DACH1: variants seen among roughly 807,000 people sequenced by gnomAD.
DACH1 encodes the protein dachshund family transcription factor 1, also known as dachshund homolog 1.
A neutral mutation model predicts 54.2 loss-of-function variants in DACH1; 12 were observed. The observed-to-expected ratio is 0.22, with a 90% CI of 0.14 to 0.36. DACH1 has a LOEUF of 0.36. Ranked by LOEUF, DACH1 falls within the 10% of genes least tolerant of loss-of-function variation. The probability of loss-of-function intolerance (pLI) is 1.00; values close to 1 mark genes in which losing one functional copy is unlikely to be tolerated. For synonymous variants in DACH1, 386 were observed against 366.2 expected (o/e 1.05, Z -0.62); for missense variants, 805 against 929.8 (o/e 0.87, Z 1.75).
At chr13:71,633,984 T>C (rs1877292278) in intron 2 of DACH1, among the ~76,000 whole-genome samples, 1 of 145,006 alleles carries the variant, frequency 6.9e-6, no homozygotes, top group South Asian at 2.1e-4. Context: ...TTTTTTTTTT[T>C]TCTTTTGAGA....
intron 10 of DACH1, among the ~76,000 whole-genome samples, chr13:71,443,943 G>A (rs148571087): frequency 5.3e-5 from 8 of 152,144 alleles, no homozygotes; most frequent in African/African-American, 1.7e-4. Flanking sequence ...GTTTTCGTAT[G>A]GAATATGGCC....
At chr13:71,553,848 C>T (rs926954068) in intron 6 of DACH1, among the ~76,000 whole-genome samples, 40 of 151,564 alleles carry the variant, frequency 2.6e-4, no homozygotes, top group African/African-American at 9.4e-4. Flanking sequence ...TTAAGAAGAA[C>T]ATAAAATGTT....
intron 1 of DACH1, among the ~76,000 whole-genome samples, chr13:71,777,338 A>G (rs1886105491): frequency 6.6e-6 from 1 of 152,150 alleles, no homozygotes; most frequent in Admixed American, 6.6e-5. Context: ...TAGCTTGAAC[A>G]GTAAGTCTCA....
intron 3 of DACH1, among the ~76,000 whole-genome samples, chr13:71,592,649 A>G (rs563942828): frequency 1.3e-5 from 2 of 152,160 alleles, no homozygotes; most frequent in Non-Finnish European, 2.9e-5. Context: ...GCAGATTTCA[A>G]TACCGAAAAA....
chr13:71,742,501 A>G (rs1454954873), intron 1 of DACH1, among the ~76,000 whole-genome samples: 3 of 152,174 alleles, frequency 2.0e-5, no homozygotes, highest in Non-Finnish European at 2.9e-5. Context: ...AATATGAGAC[A>G]TTCCTAAAAT....
chr13:71,583,624 C>G (rs1873005885), intron 3 of DACH1, among the ~76,000 whole-genome samples: 1 of 152,124 alleles, frequency 6.6e-6, no homozygotes, highest in Non-Finnish European at 1.5e-5. Flanking sequence ...AGGCAGATCA[C>G]CTGAACTCAG....
At chr13:71,584,652 T>C (rs1430565985) in intron 3 of DACH1, among the ~76,000 whole-genome samples, 1 of 152,096 alleles carries the variant, frequency 6.6e-6, no homozygotes, top group Admixed American at 6.5e-5. Flanking sequence ...TACTGAACTG[T>C]TGAAAAAATA....
chr13:71,543,923 A>G (rs1193338416), intron 6 of DACH1, among the ~76,000 whole-genome samples: 2 of 152,166 alleles, frequency 1.3e-5, no homozygotes, highest in African/African-American at 4.8e-5. Flanking sequence ...GTGATTTACC[A>G]CATATCTTTC....
intron 3 of DACH1, among the ~76,000 whole-genome samples, chr13:71,587,789 T>A (rs1873389094): frequency 6.6e-6 from 1 of 151,926 alleles, no homozygotes; most frequent in Non-Finnish European, 1.5e-5. Flanking sequence ...AAAAAGAGAG[T>A]ACAAATCTTC....
intron 10 of DACH1, among the ~76,000 whole-genome samples, chr13:71,465,109 A>C (rs1168926673): frequency 1.3e-5 from 2 of 152,104 alleles, no homozygotes; most frequent in Non-Finnish European, 2.9e-5. Context: ...AGGATAATGC[A>C]CTATAAGCAT....
At chr13:71,753,097 C>T (rs1452297651) in intron 1 of DACH1, among the ~76,000 whole-genome samples, 2 of 152,132 alleles carry the variant, frequency 1.3e-5, no homozygotes, top group Non-Finnish European at 2.9e-5. Context: ...AAAGGTGAAG[C>T]TATCCTGGCT....
intron 6 of DACH1, among the ~76,000 whole-genome samples, chr13:71,549,398 G>T (rs1226431107): frequency 6.6e-6 from 1 of 152,036 alleles, no homozygotes. Context: ...AGATTAAGTG[G>T]AATAATAGTT....
At chr13:71,843,984 T>C (rs1285459920) in intron 1 of DACH1, among the ~76,000 whole-genome samples, 1 of 152,118 alleles carries the variant, frequency 6.6e-6, no homozygotes, top group Non-Finnish European at 1.5e-5. Context: ...TCAAACTGCA[T>C]AGGAGAAAAA....
chr13:71,824,832 C>A (rs1888320126), intron 1 of DACH1, among the ~76,000 whole-genome samples: 1 of 151,966 alleles, frequency 6.6e-6, no homozygotes, highest in South Asian at 2.1e-4. Context: ...AAGCTCTGTC[C>A]AAACACAATC....
intron 1 of DACH1, among the ~76,000 whole-genome samples, chr13:71,822,653 C>A (rs891848745): frequency 5.3e-5 from 8 of 152,126 alleles, no homozygotes; most frequent in Non-Finnish European, 1.2e-4. Flanking sequence ...GGCATATACT[C>A]AATCAAACCT....
intron 1 of DACH1, among the ~76,000 whole-genome samples, chr13:71,862,650 T>G (rs1874433260): frequency 6.6e-6 from 1 of 152,092 alleles, no homozygotes; most frequent in Admixed American, 6.5e-5. Context: ...CTTCAACATT[T>G]ATTCTAGTTT....
intron 10 of DACH1, among the ~76,000 whole-genome samples, chr13:71,465,923 AC>A (rs1456792084): frequency 3.3e-5 from 5 of 152,170 alleles, no homozygotes; most frequent in Admixed American, 1.3e-4. Context: ...TTACTATAGT[AC>A]CATAAAAAGA....
chr13:71,490,446 C>T (rs777564955), intron 6 of DACH1, among the ~76,000 whole-genome samples: 2 of 152,284 alleles, frequency 1.3e-5, no homozygotes, highest in African/African-American at 2.4e-5. Flanking sequence ...AGGGGAGTAA[C>T]GGCCAGAAGG....
intron 1 of DACH1, among the ~76,000 whole-genome samples, chr13:71,864,206 C>CAA (rs1874554181): frequency 8.1e-6 from 1 of 124,048 alleles, no homozygotes; most frequent in South Asian, 2.5e-4. Flanking sequence ...CACACACACA[C>CAA]ACACACACAA....
Sources: allele counts gnomAD v4.1 joint callset (sites outside exome capture counted in the v4.1 genomes callset), GRCh38; gene constraint gnomAD v4.1.1; transcripts MANE v1.5; gene names NCBI Gene and HGNC (gene_info 2026-07-23, HGNC 2026-07-21).